MSH4: variants seen among roughly 807,000 people sequenced by gnomAD.
MSH4 encodes mutS protein homolog 4.
In MSH4, 106 loss-of-function variants were observed where a neutral mutation model predicts 113.7. The observed-to-expected ratio is 0.93, with a 90% CI of 0.80 to 1.10. The LOEUF (loss-of-function observed/expected upper bound fraction) is 1.10, where lower values mean the gene tolerates loss of function less well. Among genes scored for constraint, MSH4 ranks in the 50% least tolerant of loss-of-function variants. MSH4 has a pLI of 0.00. For missense variants in MSH4, 1,061 were observed against 1,093.7 expected (o/e 0.97, Z 0.42); for synonymous variants, 368 against 380.2 (o/e 0.97, Z 0.37).
intron 19 of MSH4, among the ~76,000 whole-genome samples, chr1:75,904,701 A>C (rs941423843): frequency 6.6e-6 from 1 of 151,850 alleles, no homozygotes; most frequent in African/African-American, 2.4e-5. Flanking sequence ...ACTGTTTTGC[A>C]GAGATGGGGG....
chr1:75,834,202 G>A (rs1570956959), intron 7 of MSH4, among the ~76,000 whole-genome samples: 1 of 152,340 alleles, frequency 6.6e-6, no homozygotes, highest in East Asian at 1.9e-4. Context: ...CTGGCCATCA[G>A]AGAAATGCAA....
intron 7 of MSH4, among the ~76,000 whole-genome samples, chr1:75,836,649 A>C (rs1384082008): frequency 6.6e-6 from 1 of 152,212 alleles, no homozygotes; most frequent in Admixed American, 6.5e-5. Flanking sequence ...TATTTGAATA[A>C]GAGAAATGTC....
At chr1:75,910,335 C>T (rs921831610) in intron 19 of MSH4, among the ~76,000 whole-genome samples, 5 of 152,028 alleles carry the variant, frequency 3.3e-5, no homozygotes, top group East Asian at 1.9e-4. Context: ...TAATTCTGCC[C>T]TCTCTTGGCT....
At chr1:75,810,896 G>T in intron 4 of MSH4, 89 bp downstream of exon 4, 1 of 618,166 alleles carries the variant, frequency 1.6e-6, no homozygotes. Flanking sequence ...TTTTGAGACA[G>T]AGTTTCACTC....
chr1:75,865,468 G>A (rs989089248), intron 8 of MSH4, among the ~76,000 whole-genome samples: 1 of 152,296 alleles, frequency 6.6e-6, no homozygotes, highest in East Asian at 1.9e-4. Flanking sequence ...GTTCCCAAGA[G>A]GAGAGGGCAT....
At chr1:75,802,460 G>C (rs1649959405) in intron 1 of MSH4, among the ~76,000 whole-genome samples, 1 of 152,176 alleles carries the variant, frequency 6.6e-6, no homozygotes, top group African/African-American at 2.4e-5. Context: ...AAAGAGAATA[G>C]GTGAACAGAG....
rs528566282 is a variant in MSH4 at position 75,852,964 on chromosome 1, AT to A, written c.1230+4689del. On this transcript the variant is annotated intron_variant, in intron 8 of 19. Coordinates refer to ENST00000263187, the MANE Select transcript of MSH4 (RefSeq NM_002440.4). ...GTATGATTATAACAGTTTTAGTTAG[AT>A]CAAAATTATTATGAAAATTATTACG... 8.1e-4 allele frequency among the ~76,000 whole-genome samples: 123 copies of A among 152,292 alleles called. 2 individuals are homozygous for A. In the South Asian group the frequency reaches 8.9e-3, roughly 11 times the overall value.
At chr1:75,853,083 G>A (rs1651224753) in intron 8 of MSH4, among the ~76,000 whole-genome samples, 1 of 150,684 alleles carries the variant, frequency 6.6e-6, no homozygotes, top group South Asian at 2.1e-4. Context: ...TTGTTTGTTT[G>A]AGACAGAGTT....
intron 4 of MSH4, among the ~76,000 whole-genome samples, chr1:75,812,451 T>A (rs190848207): frequency 6.6e-6 from 1 of 152,126 alleles, no homozygotes; most frequent in East Asian, 1.9e-4. Context: ...CCCAGCACTT[T>A]CAGAGGCCGA....
intron 19 of MSH4, among the ~76,000 whole-genome samples, chr1:75,912,181 C>T (rs1241109581): frequency 6.6e-6 from 1 of 152,060 alleles, no homozygotes; most frequent in African/African-American, 2.4e-5. Context: ...TATGTACTCT[C>T]TTTAGGGGCA....
At chr1:75,896,605 A>G (rs868488492) in intron 17 of MSH4, among the ~76,000 whole-genome samples, 31 of 152,010 alleles carry the variant, frequency 2.0e-4, no homozygotes, top group Non-Finnish European at 4.4e-5. Flanking sequence ...TGTTTTTAGT[A>G]TTACTTTACA....
chr1:75,885,963 TA>T (rs1652091320), intron 15 of MSH4, among the ~76,000 whole-genome samples: 1 of 117,080 alleles, frequency 8.5e-6, no homozygotes, highest in Non-Finnish European at 1.6e-5. Flanking sequence ...TGATGTATTA[TA>T]TAGCATGTAT....
At chr1:75,800,031 A>G (rs1376418554) in intron 1 of MSH4, among the ~76,000 whole-genome samples, 1 of 152,206 alleles carries the variant, frequency 6.6e-6, no homozygotes, top group Non-Finnish European at 1.5e-5. Flanking sequence ...TGAAGACTAT[A>G]TAGCAAAATA....
chr1:75,820,050 C>T (rs1650374972), intron 6 of MSH4, among the ~76,000 whole-genome samples: 1 of 151,280 alleles, frequency 6.6e-6, no homozygotes, highest in Non-Finnish European at 1.5e-5. Context: ...CTTTATAAAT[C>T]ACCTAGGAAT....
intron 13 of MSH4, 34 bp downstream of exon 13, chr1:75,880,187 A>G (rs1164909504): frequency 8.7e-7 from 1 of 1,146,332 alleles, no homozygotes; most frequent in East Asian, 2.5e-5. Flanking sequence ...ATATTGAATT[A>G]AATTGGTTTA....
intron 9 of MSH4, among the ~76,000 whole-genome samples, chr1:75,874,717 C>T (rs529866463): frequency 6.6e-6 from 1 of 152,052 alleles, no homozygotes; most frequent in Non-Finnish European, 1.5e-5. Flanking sequence ...TTGTGCATGC[C>T]TGGCACAACT....
intron 6 of MSH4, among the ~76,000 whole-genome samples, chr1:75,819,616 A>G (rs1348670757): frequency 6.6e-6 from 1 of 152,274 alleles, no homozygotes; most frequent in Non-Finnish European, 1.5e-5. Flanking sequence ...AAGGGCTCAA[A>G]AAGTATTTGT....
intron 2 of MSH4, among the ~76,000 whole-genome samples, chr1:75,805,909 G>A (rs1274860762): frequency 6.6e-6 from 1 of 151,034 alleles, no homozygotes; most frequent in Non-Finnish European, 1.5e-5. Context: ...ATAATAAATT[G>A]TATTGGTTAA....
intron 14 of MSH4, among the ~76,000 whole-genome samples, chr1:75,881,771 T>C (rs1651939267): frequency 6.6e-6 from 1 of 152,066 alleles, no homozygotes; most frequent in African/African-American, 2.4e-5. Flanking sequence ...ACTAGCTCTT[T>C]AGATGTGAAC....
Sources: gnomAD v4.1 joint callset for allele counts (sites outside exome capture counted in the v4.1 genomes callset) on GRCh38, gnomAD v4.1.1 for gene constraint, MANE v1.5 for transcripts, NCBI Gene and HGNC (gene_info 2026-07-23, HGNC 2026-07-21) for gene names.